SPART: variants seen among roughly 807,000 people sequenced by gnomAD.
The protein encoded by SPART is spastic paraplegia 20 (Troyer syndrome).
Under a neutral mutation model 58.7 loss-of-function variants are expected in SPART, and 35 were observed. That is an observed-to-expected ratio of 0.60 (90% CI 0.46 to 0.79). The LOEUF (loss-of-function observed/expected upper bound fraction) is 0.79. Among genes scored for constraint, SPART ranks in the 30% least tolerant of loss-of-function variants. The pLI, the probability that SPART is intolerant of heterozygous loss-of-function variation, is 0.00. For missense variants in SPART, 730 were observed against 786.1 expected (o/e 0.93, Z 0.85); for synonymous variants, 284 against 280.7 (o/e 1.01, Z -0.12).
intron 1 of SPART, among the ~76,000 whole-genome samples, chr13:36,340,627 T>C (rs1884483534): frequency 6.6e-6 from 1 of 152,180 alleles, no homozygotes; most frequent in Non-Finnish European, 1.5e-5. Context: ...GTTTGCTGGG[T>C]ACCATGTTTG....
intron 5 of SPART, among the ~76,000 whole-genome samples, chr13:36,315,955 T>G (rs1304048459): frequency 6.6e-6 from 1 of 152,130 alleles, no homozygotes; most frequent in East Asian, 1.9e-4. Context: ...TAATCACATA[T>G]CACCATGGAA....
At chr13:36,331,044 T>G (rs1448410533) in intron 3 of SPART, among the ~76,000 whole-genome samples, 1 of 152,230 alleles carries the variant, frequency 6.6e-6, no homozygotes, top group Non-Finnish European at 1.5e-5. Flanking sequence ...CTCGTTCTGA[T>G]ATAAGTGCTT....
chr13:36,366,220 A>G (rs922109672), intron 1 of SPART, among the ~76,000 whole-genome samples: 38 of 152,182 alleles, frequency 2.5e-4, no homozygotes, highest in African/African-American at 8.7e-4. Context: ...TCTATTCTCC[A>G]GCTGTGCCAC....
rs570314055 is a variant in SPART at position 36,362,168 on chromosome 13, T to C, written c.-3+7921A>G. Among the ~76,000 whole-genome samples, 25 of 151,986 alleles carry C rather than the reference T, an allele frequency of 1.6e-4. 1 individual carries two copies. In the South Asian group the frequency reaches 5.2e-3, roughly 32 times the overall value. ...GAGTTCGAGACCAGCCTGGGCAACA[T>C]GGCAAAACCCCGTCTCTACTACAAG... is the stretch of plus-strand genomic sequence containing the variant. On this transcript the variant is annotated intron_variant, in intron 1 of 8. Coordinates refer to the SPART transcript ENST00000355182.
intron 1 of SPART, among the ~76,000 whole-genome samples, chr13:36,340,480 A>C (rs1884470373): frequency 6.6e-6 from 1 of 152,170 alleles, no homozygotes; most frequent in Non-Finnish European, 1.5e-5. Context: ...ACACACAAAA[A>C]AAGAGAGAGA....
chr13:36,338,068 A>G (rs1884195859), intron 1 of SPART, among the ~76,000 whole-genome samples: 1 of 152,190 alleles, frequency 6.6e-6, no homozygotes, highest in Admixed American at 6.5e-5. Context: ...AGATATGAAC[A>G]GAAACATGTT....
intron 1 of SPART, chr13:36,369,996 G>C (rs780525299): frequency 6.6e-6 from 1 of 152,144 alleles, no homozygotes; most frequent in Admixed American, 6.5e-5. Flanking sequence ...CTCCGGCCCC[G>C]CCCAATACCT....
At chr13:36,349,211 C>T (rs994819092), upstream of SPART, among the ~76,000 whole-genome samples, 10 of 152,100 alleles carry the variant, frequency 6.6e-5, no homozygotes, top group South Asian at 2.1e-4. Context: ...CACCGTGAGC[C>T]GAGATTGTGC....
intron 1 of SPART, among the ~76,000 whole-genome samples, chr13:36,338,909 T>C (rs1356506498): frequency 1.3e-5 from 2 of 152,056 alleles, no homozygotes; most frequent in Admixed American, 6.6e-5. Flanking sequence ...TCAGAAGCCA[T>C]AGTTGATAGG....
intron 7 of SPART, 26 bp from the exon 8 acceptor site, chr13:36,312,261 G>A (rs1254398890): frequency 6.2e-7 from 1 of 1,613,626 alleles, no homozygotes; most frequent in Non-Finnish European, 8.5e-7. Flanking sequence ...TTAAAACGAT[G>A]TAAATCTAGT....
upstream of SPART, among the ~76,000 whole-genome samples, chr13:36,350,878 T>A (rs2137690536): frequency 6.6e-6 from 1 of 152,214 alleles, no homozygotes; most frequent in Middle Eastern, 3.4e-3. Context: ...TACTAGGAAA[T>A]AGCACATAAA....
intron 5 of SPART, among the ~76,000 whole-genome samples, chr13:36,318,290 GC>G (rs1271194110): frequency 6.6e-6 from 1 of 152,076 alleles, no homozygotes; most frequent in Non-Finnish European, 1.5e-5. Context: ...GGTGGCTGGA[GC>G]TAAAGCCATA....
At chr13:36,309,027 G>A (rs1477578556) in intron 8 of SPART, among the ~76,000 whole-genome samples, 2 of 152,120 alleles carry the variant, frequency 1.3e-5, no homozygotes, top group African/African-American at 4.8e-5. Flanking sequence ...GGCAGATCAC[G>A]AAATCAGGTG....
At chr13:36,313,971 G>C (rs1881403282) in intron 6 of SPART, 1 of 519,130 alleles carries the variant, frequency 1.9e-6, no homozygotes, top group African/African-American at 1.9e-5. Context: ...GAATCACCTA[G>C]GGATCTTGTG....
In SPART at chr13:36,312,155, C is replaced by A. The variant is rs142948893; in HGVS notation, c.1723G>T (p.Val575Phe). Residue 575 changes from valine (V) to phenylalanine (F), a missense_variant, in exon 8 of 9, where the codon GTC (valine) becomes TTC (phenylalanine). By Grantham distance (50) the Val-to-Phe change is conservative. Coordinates refer to ENST00000438666, the MANE Select transcript of SPART (RefSeq NM_015087.5). ...TAAAATTCAACTTACTTGTATCTGA[C>A]AGTTTGTACAGTTTCTGCTGAAACA... ...NNVSAETVQT[V>F]RYKYGYNAGE... 8 of 1,613,138 alleles carry A rather than the reference C, an allele frequency of 5.0e-6. No homozygotes were observed. The African/African-American group carries it at 1.1e-4, about 22-fold the overall frequency.
chr13:36,361,981 T>C (rs1056613155), intron 1 of SPART, among the ~76,000 whole-genome samples: 1 of 152,200 alleles, frequency 6.6e-6, no homozygotes, highest in East Asian at 1.9e-4. Flanking sequence ...AAAATTACCT[T>C]GAGCAATGCC....
chr13:36,330,429 T>TACACAC (rs10547331), intron 3 of SPART, among the ~76,000 whole-genome samples: 3 of 150,228 alleles, frequency 2.0e-5, no homozygotes, highest in African/African-American at 7.3e-5. Flanking sequence ...TATATTTTCA[T>TACACAC]ACACACACAC....
intron 8 of SPART, among the ~76,000 whole-genome samples, chr13:36,306,310 G>A (rs1444361220): frequency 6.6e-6 from 1 of 152,058 alleles, no homozygotes; most frequent in African/African-American, 2.4e-5. Flanking sequence ...CCAAGCCCCA[G>A]TAACAAATAC....
intron 1 of SPART, among the ~76,000 whole-genome samples, chr13:36,369,886 A>G (rs977067123): frequency 9.2e-5 from 14 of 152,276 alleles, no homozygotes; most frequent in Admixed American, 6.5e-4. Context: ...TTTCTGTTGA[A>G]TTGAACTTTC....
Sources: allele counts gnomAD v4.1 joint callset (sites outside exome capture counted in the v4.1 genomes callset), GRCh38; gene constraint gnomAD v4.1.1; transcripts MANE v1.5; gene names NCBI Gene and HGNC (gene_info 2026-07-23, HGNC 2026-07-21).